The following MTREX variants were observed in gnomAD, a reference collection of about 807,000 sequenced individuals.
MTREX encodes the protein exosome RNA helicase MTR4.
A neutral mutation model predicts 135.4 loss-of-function variants in MTREX; 76 were observed. The ratio of observed to expected loss-of-function variants is 0.56; its 90% CI spans 0.47 to 0.68. The LOEUF (loss-of-function observed/expected upper bound fraction) is 0.68. Ranked by LOEUF, MTREX falls within the 30% of genes least tolerant of loss-of-function variation. The pLI is 0.00. For missense variants in MTREX, 920 were observed against 1,262.1 expected (o/e 0.73, Z 4.11); for synonymous variants, 404 against 401.6 (o/e 1.01, Z -0.07).
At chr5:55,329,006 A>C (rs183600662) in intron 5 of MTREX, among the ~76,000 whole-genome samples, 195 bp downstream of exon 5, 1 of 152,094 alleles carries the variant, frequency 6.6e-6, no homozygotes, top group Non-Finnish European at 1.5e-5. Context: ...CTTGTTCCTC[A>C]TATTAGGAGA....
At chr5:55,351,053 A>C (rs1372517702) in intron 13 of MTREX, 24 bp downstream of exon 13, 1 of 1,576,634 alleles carries the variant, frequency 6.3e-7, no homozygotes, top group South Asian at 1.2e-5. Context: ...TTTATTTTTT[A>C]TGCCCCCATA....
chr5:55,389,759 G>A (rs535432570), intron 19 of MTREX, among the ~76,000 whole-genome samples: 2 of 152,136 alleles, frequency 1.3e-5, no homozygotes, highest in African/African-American at 4.8e-5. Flanking sequence ...GTTCCTTGTG[G>A]TTAATGACAA....
intron 21 of MTREX, among the ~76,000 whole-genome samples, chr5:55,404,795 CTCTTTTTTTTTTT>C (rs1195916646): frequency 1.6e-5 from 2 of 124,346 alleles, no homozygotes; most frequent in Non-Finnish European, 3.4e-5. Context: ...GTGCTCTGTT[CTCTTTTTTTTTTT>C]TCTTTTTTTT....
chr5:55,353,583 G>A (rs1047368391), intron 14 of MTREX, among the ~76,000 whole-genome samples: 1 of 152,160 alleles, frequency 6.6e-6, no homozygotes, highest in Non-Finnish European at 1.5e-5. Flanking sequence ...TGCACCTGTA[G>A]TCGCAGCTAC....
At chr5:55,343,490 T>C (rs772635923) in intron 8 of MTREX, 35 bp downstream of exon 8, 3 of 1,580,294 alleles carry the variant, frequency 1.9e-6, no homozygotes, top group Non-Finnish European at 2.6e-6. Context: ...TCTTCAATAT[T>C]CAAAATGTTA....
At chr5:55,415,260 G>C (rs944878727) in intron 24 of MTREX, among the ~76,000 whole-genome samples, 1 of 151,930 alleles carries the variant, frequency 6.6e-6, no homozygotes, top group African/African-American at 2.4e-5. Context: ...ATTATACTTA[G>C]TACTCAGCTG....
At chr5:55,366,625 T>G in intron 15 of MTREX, 100 bp from the exon 16 acceptor site, 1 of 827,752 alleles carries the variant, frequency 1.2e-6, no homozygotes, top group Non-Finnish European at 1.7e-6. Context: ...TTCTGTAGTA[T>G]TTCTTAATGT....
At chr5:55,318,332 C>T (rs970980602) in intron 1 of MTREX, among the ~76,000 whole-genome samples, 48 of 152,138 alleles carry the variant, frequency 3.2e-4, no homozygotes, top group African/African-American at 1.2e-3. Context: ...ATGTTCATTG[C>T]AGCACTATTC....
At chr5:55,325,069 A>T (rs1411564036) in intron 3 of MTREX, among the ~76,000 whole-genome samples, 2 of 152,200 alleles carry the variant, frequency 1.3e-5, no homozygotes, top group African/African-American at 4.8e-5. Context: ...CATTAGGGAC[A>T]TGATGGAACT....
Position 55,398,357 on chromosome 5 carries a change from A to G in MTREX, c.2292+831A>G, listed in dbSNP as rs1579893293. On this transcript the variant is annotated intron_variant, in intron 20 of 26. Coordinates refer to ENST00000230640, the MANE Select transcript of MTREX (RefSeq NM_015360.5). ...CTCTGTACTAAAATCTGAGAAAGCA[A>G]AGATAAGTAGGATGCTTTCAGAGTA... Among the ~76,000 whole-genome samples, 10 of 152,312 alleles carry G rather than the reference A, an allele frequency of 6.6e-5. No individual in the cohort carries two copies. The South Asian group carries it at 2.1e-3, about 32-fold the overall frequency.
chr5:55,401,873 C>T (rs1750727978), intron 21 of MTREX, among the ~76,000 whole-genome samples: 1 of 152,116 alleles, frequency 6.6e-6, no homozygotes, highest in Non-Finnish European at 1.5e-5. Flanking sequence ...TCCTTTCCTC[C>T]ATGAAACTTA....
intron 22 of MTREX, among the ~76,000 whole-genome samples, chr5:55,405,982 T>C (rs1376550221): frequency 6.6e-6 from 1 of 152,198 alleles, no homozygotes; most frequent in Non-Finnish European, 1.5e-5. Flanking sequence ...TTGTATACTT[T>C]TTAAAAATTA....
At chr5:55,346,227 C>T (rs1749730632) in intron 10 of MTREX, among the ~76,000 whole-genome samples, 1 of 152,128 alleles carries the variant, frequency 6.6e-6, no homozygotes, top group South Asian at 2.1e-4. Flanking sequence ...TATGTTTCAC[C>T]TTTTGAGAAA....
chr5:55,423,806 A>C (rs1037754700), intron 26 of MTREX: 1 of 152,176 alleles, frequency 6.6e-6, no homozygotes, highest in Non-Finnish European at 1.5e-5. Context: ...TAATCAAAGA[A>C]TATAACCACA....
intron 6 of MTREX, among the ~76,000 whole-genome samples, 175 bp downstream of exon 6, chr5:55,340,359 T>C (rs566831422): frequency 6.6e-6 from 1 of 152,230 alleles, no homozygotes; most frequent in Non-Finnish European, 1.5e-5. Context: ...TCTGATAATA[T>C]TACATTTCTA....
chr5:55,424,566 A>G (rs967965150), intron 26 of MTREX, 154 bp from the exon 27 acceptor site: 25 of 593,012 alleles, frequency 4.2e-5, no homozygotes, highest in East Asian at 5.6e-5. Context: ...AGGTGGCTGC[A>G]AATTCCTCTA....
rs1749507008 is a variant in MTREX at position 55,333,426 on chromosome 5, T to G, written c.515+4615T>G. On this transcript the variant is annotated intron_variant, in intron 5 of 26. Transcript: ENST00000230640. ...TTAGTTCAATTATTTTTTTCACTAT[T>G]TAATTGTGGTATGTTTGGTGCTTTA... is the stretch of plus-strand genomic sequence containing the variant. Among the ~76,000 whole-genome samples the G allele has an allele frequency of 2.6e-5, 4 of 152,190 alleles. No individual in the cohort carries two copies. In the South Asian group the frequency reaches 8.3e-4, roughly 31 times the overall value.
At chr5:55,347,314 C>A (rs1346499173) in intron 11 of MTREX, among the ~76,000 whole-genome samples, 170 bp downstream of exon 11, 1 of 152,170 alleles carries the variant, frequency 6.6e-6, no homozygotes, top group Non-Finnish European at 1.5e-5. Context: ...CTTATACTTT[C>A]TTCCCTTTCT....
chr5:55,370,123 A>C lies in MTREX; in HGVS notation c.1810+3248A>C, dbSNP rs1025137012. Among the ~76,000 whole-genome samples, 6 of 152,132 alleles carry C rather than the reference A, an allele frequency of 3.9e-5. No homozygotes were observed. The East Asian group carries it at 1.2e-3, about 29-fold the overall frequency. On this transcript the variant is annotated intron_variant, in intron 16 of 26. Transcript: ENST00000230640. ...TTTTTAGTAGAGACGGGGTTTCTCC[A>C]TGTTGGTCAAGCTGGTCTCAAACTC...
Sources: gnomAD v4.1 joint callset for allele counts (sites outside exome capture counted in the v4.1 genomes callset) on GRCh38, gnomAD v4.1.1 for gene constraint, MANE v1.5 for transcripts, NCBI Gene and HGNC (gene_info 2026-07-23, HGNC 2026-07-21) for gene names.